TOGARAM1: variants seen among roughly 807,000 people sequenced by gnomAD.
The protein encoded by TOGARAM1 is TOG array regulator of axonemal microtubules protein 1.
TOGARAM1 carries 100 observed loss-of-function variants against 166.6 expected under a neutral mutation model. The ratio of observed to expected loss-of-function variants is 0.60; its 90% CI spans 0.51 to 0.71. The LOEUF (loss-of-function observed/expected upper bound fraction) is 0.71. TOGARAM1 is among the 30% of genes least tolerant of loss of function. The pLI is 0.00. For synonymous variants in TOGARAM1, 758 were observed against 763.8 expected (o/e 0.99, Z 0.13); for missense variants, 2,029 against 2,102.7 (o/e 0.96, Z 0.69).
chr14:44,962,714 G>A lies in TOGARAM1; in HGVS notation c.293G>A (p.Arg98Gln). 1 of 1,614,076 alleles carries A rather than the reference G, an allele frequency of 6.2e-7. No individual in the cohort carries two copies. ...GLSGGDEEDT[R>Q]LLQLLRTARD... ...TCAGGGGGAGATGAAGAGGACACTC[G>A]GCTCCTTCAACTCCTCCGCACTGCC... is the stretch of plus-strand genomic sequence containing the variant. Residue 98 changes from arginine to glutamine, a missense_variant, in exon 1 of 20, where the codon CGG (arginine) becomes CAG (glutamine). Arg to Gln is a conservative substitution (Grantham distance 43, BLOSUM62 1). Coordinates refer to ENST00000361462, the MANE Select transcript of TOGARAM1 (RefSeq NM_001308120.2).
At chr14:45,041,655 T>C (rs866859760) in intron 11 of TOGARAM1, among the ~76,000 whole-genome samples, 5 of 152,330 alleles carry the variant, frequency 3.3e-5, no homozygotes, top group Middle Eastern at 3.4e-3. Context: ...ACTTCTTATT[T>C]CCCCTCTTCC....
chr14:45,068,689 C>A, intron 18 of TOGARAM1, 46 bp downstream of exon 18: 1 of 1,428,596 alleles, frequency 7.0e-7, no homozygotes, highest in Non-Finnish European at 9.5e-7. Flanking sequence ...ACTTTCTTTT[C>A]ATGTTTTCTG....
At chr14:44,983,427 A>C (rs1361782588) in intron 1 of TOGARAM1, among the ~76,000 whole-genome samples, 1 of 152,190 alleles carries the variant, frequency 6.6e-6, no homozygotes, top group Non-Finnish European at 1.5e-5. Flanking sequence ...ATGCAAATGA[A>C]TTGCCTTAGG....
intron 7 of TOGARAM1, among the ~76,000 whole-genome samples, chr14:45,021,052 T>C (rs191992114): frequency 6.6e-6 from 1 of 152,266 alleles, no homozygotes; most frequent in East Asian, 1.9e-4. Context: ...TTGAGAGATC[T>C]AGTCCTTTGT....
intron 18 of TOGARAM1, 21 bp downstream of exon 18, chr14:45,068,664 A>G: frequency 6.6e-7 from 1 of 1,515,130 alleles, no homozygotes; most frequent in Non-Finnish European, 8.9e-7. Context: ...TTACTTCGGC[A>G]CTCAAATTAT....
In TOGARAM1 at chr14:44,962,874, G is replaced by C; in HGVS notation, c.453G>C (p.Glu151Asp). The change falls in exon 1 of 20, where the codon GAG (glutamate) becomes GAC (aspartate). Residue 151 changes from glutamate to aspartate, a missense_variant. Transcript: ENST00000361462. ...TGCTTGTGGAAGGAGGTAGTGATGA[G>C]AAGCGGCTCTGCTTGCAACTTCTCT... Reference protein sequence around the residue: ...GRVLVEGGSDEKRLCLQLLSD... With the variant: ...GRVLVEGGSDDKRLCLQLLSD... The C allele has an allele frequency of 1.9e-6, 3 of 1,613,900 alleles. No individual in the cohort carries two copies. Among genetic ancestry groups the C allele is most frequent in the Non-Finnish European group, 2.5e-6 (3 of 1,180,004 alleles).
At chr14:45,032,055 G>A (rs931488856) in intron 10 of TOGARAM1, among the ~76,000 whole-genome samples, 168 bp from the exon 11 acceptor site, 5 of 152,156 alleles carry the variant, frequency 3.3e-5, no homozygotes, top group African/African-American at 7.2e-5. Flanking sequence ...AGCTACTTGC[G>A]AGGTTGAGGC....
Position 44,962,957 on chromosome 14 carries a change from C to T in TOGARAM1, c.536C>T (p.Ala179Val), listed in dbSNP as rs1359332495. 8 of 1,614,082 alleles carry T rather than the reference C, an allele frequency of 5.0e-6. No individual in the cohort carries two copies. Among genetic ancestry groups the T allele is most frequent in the Non-Finnish European group, 6.8e-6 (8 of 1,180,050 alleles). The change falls in exon 1 of 20, where the codon GCA (alanine) becomes GTA (valine). Residue 179 changes from alanine to valine, a missense_variant. Around this residue, in one of 2 missense-constraint regions of TOGARAM1, gnomAD observed 1,453 missense variants for 1,432.2 expected, o/e 1.01. Transcript: ENST00000361462. ...CAGCTTGAAGAGGCCTTTAGCTTAG[C>T]ACTTTTGCCTCAACTAGTTGTCTCG... ...AGQLEEAFSLALLPQLVVSLR... is the reference protein window; with the variant it reads ...AGQLEEAFSLVLLPQLVVSLR...
At position 45,004,213 on chromosome 14, in the gene TOGARAM1, TCTC is replaced by T. The variant is rs1887835097; in HGVS notation, c.2495_2497del (p.Pro832del). On this transcript the variant is annotated inframe_deletion, in exon 4 of 20. Transcript: ENST00000361462. ...ACCTCGAACTAGTCCAAAGCATACA[TCTC>T]CTCTTATTATATCTCCAAAGAAGTC... 1 of 1,614,070 alleles carries T rather than the reference TCTC, an allele frequency of 6.2e-7. No individual in the cohort carries two copies. Among genetic ancestry groups the T allele is most frequent in the Non-Finnish European group, 8.5e-7 (1 of 1,179,990 alleles).
intron 1 of TOGARAM1, among the ~76,000 whole-genome samples, chr14:44,988,236 C>G (rs1449274947): frequency 1.3e-5 from 2 of 151,906 alleles, no homozygotes; most frequent in African/African-American, 4.8e-5. Flanking sequence ...CACATGTACC[C>G]TAGAACTTAA....
chr14:45,026,550 C>T (rs1376122989), intron 8 of TOGARAM1, among the ~76,000 whole-genome samples: 8 of 152,142 alleles, frequency 5.3e-5, no homozygotes, highest in Non-Finnish European at 7.4e-5. Flanking sequence ...CCCGGCCAAG[C>T]TCATTTATTC....
At chr14:45,062,451 G>T (rs1566673417) in intron 16 of TOGARAM1, among the ~76,000 whole-genome samples, 1 of 152,064 alleles carries the variant, frequency 6.6e-6, no homozygotes, top group Admixed American at 6.6e-5. Context: ...GATTTGCATG[G>T]TATGTCTTTC....
At chr14:44,977,721 C>G (rs1231545156) in intron 1 of TOGARAM1, among the ~76,000 whole-genome samples, 1 of 152,108 alleles carries the variant, frequency 6.6e-6, no homozygotes, top group Non-Finnish European at 1.5e-5. Context: ...TTGCAGCTCA[C>G]TGCAACTTCC....
At chr14:45,071,344 T>A (rs933969112) in intron 18 of TOGARAM1, among the ~76,000 whole-genome samples, 2 of 151,964 alleles carry the variant, frequency 1.3e-5, no homozygotes, top group Non-Finnish European at 2.9e-5. Context: ...GTGTGAGGTA[T>A]TTTTAGTTCT....
rs146638221 is a variant in TOGARAM1, at chr14:44,962,557, A to C, written c.136A>C (p.Lys46Gln). ...SRVGGIMRGE[K>Q]NYYFRGAAGD... ...AGTTGGGGGCATTATGAGAGGAGAG[A>C]AAAACTACTACTTCCGTGGAGCTGC... Residue 46 changes from lysine to glutamine, a missense_variant, in exon 1 of 20, where the codon AAA becomes CAA. Lys to Gln is a moderately conservative substitution (Grantham distance 53). This residue lies in a region of TOGARAM1 where 1,453 missense variants were observed against 1,432.2 expected (regional missense o/e 1.01). Transcript: ENST00000361462. 1.0e-4 allele frequency: 166 copies of C among 1,613,968 alleles called. No individual in the cohort carries two copies. The East Asian group carries it at 3.2e-3, about 31-fold the overall frequency.
Position 44,963,349 on chromosome 14 carries a change from C to T in TOGARAM1, c.928C>T (p.Arg310Cys), listed in dbSNP as rs1885314937. The change falls in exon 1 of 20, where the codon CGC becomes TGC. Residue 310 changes from arginine (R) to cysteine (C), a missense_variant. Transcript: ENST00000361462. The part of the protein sequence containing the change: ...PSALRRHYNR[R>C]LESQFGSQVP... ...TGCCCTGAGGAGACACTACAATCGCCGCCTGGAGTCCCAGTTTGGAAGTCA... is the reference window on the plus strand; with the variant it reads ...TGCCCTGAGGAGACACTACAATCGCTGCCTGGAGTCCCAGTTTGGAAGTCA... The T allele has an allele frequency of 1.2e-6, 2 of 1,614,022 alleles. No individual in the cohort carries two copies. Among genetic ancestry groups the T allele is most frequent in the South Asian group, 2.2e-5 (2 of 91,080 alleles).
chr14:45,012,048 C>T lies in TOGARAM1; in HGVS notation c.3211C>T (p.His1071Tyr). ...RLSSAKKKISHIAEQSPSAGS... is the reference protein window; with the variant it reads ...RLSSAKKKISYIAEQSPSAGS... ...TTCTTCTGCAAAGAAAAAAATTTCTCATATTGCTGAACAAAGCCCCAGTGC... is the reference window on the plus strand; with the variant it reads ...TTCTTCTGCAAAGAAAAAAATTTCTTATATTGCTGAACAAAGCCCCAGTGC... Residue 1071 changes from histidine to tyrosine, a missense_variant, in exon 7 of 20, where the codon CAT becomes TAT. Transcript: ENST00000361462. The T allele has an allele frequency of 6.2e-7, 1 of 1,610,862 alleles. No homozygotes were observed. The highest frequency in any genetic ancestry group is 8.5e-7 in the Non-Finnish European group (1 of 1,178,700).
At chr14:45,060,128 C>A (rs1265237304) in intron 16 of TOGARAM1, among the ~76,000 whole-genome samples, 3 of 151,000 alleles carry the variant, frequency 2.0e-5, no homozygotes, top group Non-Finnish European at 2.9e-5. Context: ...CCGTGTTAGC[C>A]AGGATGGTCT....
chr14:44,993,638 TCTTTTA>T (rs1440663426), intron 1 of TOGARAM1, among the ~76,000 whole-genome samples: 4 of 152,192 alleles, frequency 2.6e-5, no homozygotes, highest in African/African-American at 9.6e-5. Flanking sequence ...CTAATGAAAA[TCTTTTA>T]CTTTTAAGAG....
Sources: gnomAD v4.1 joint callset for allele counts (sites outside exome capture counted in the v4.1 genomes callset) on GRCh38, gnomAD v4.1.1 for gene constraint, gnomAD v4.1.1 regional missense constraint, MANE v1.5 for transcripts, NCBI Gene and HGNC (gene_info 2026-07-23, HGNC 2026-07-21) for gene names.